The following SETD5 variants were observed in gnomAD, a reference collection of about 807,000 sequenced individuals.
SETD5 encodes histone-lysine N-methyltransferase SETD5.
Under a neutral mutation model 153.3 loss-of-function variants are expected in SETD5, and 44 were observed. That is an observed-to-expected ratio of 0.29 (90% confidence interval 0.23 to 0.37). The LOEUF (loss-of-function observed/expected upper bound fraction) is 0.37, where lower values mean the gene tolerates loss of function less well. SETD5 is among the 10% of genes least tolerant of loss of function. The probability of loss-of-function intolerance (pLI) is 1.00; values close to 1 mark genes in which losing one functional copy is unlikely to be tolerated. For synonymous variants in SETD5, 716 were observed against 645.2 expected, an observed-to-expected ratio of 1.11 and a Z score of -1.66; for missense variants, 1,544 against 1,768.0, an observed-to-expected ratio of 0.87 and a Z score of 2.27.
chr3:9,469,812 G>A (rs926482056), intron 18 of SETD5, among the ~76,000 whole-genome samples: 3 of 152,190 alleles, frequency 2.0e-5, no homozygotes, highest in Non-Finnish European at 4.4e-5. Flanking sequence ...CTTGTGGTAT[G>A]TTGACGTACA....
chr3:9,461,789 G>A (rs1024831129), intron 17 of SETD5, among the ~76,000 whole-genome samples: 1 of 152,086 alleles, frequency 6.6e-6, no homozygotes, highest in African/African-American at 2.4e-5. Flanking sequence ...TAACATAATT[G>A]ACTTTGATAG....
intron 13 of SETD5, among the ~76,000 whole-genome samples, chr3:9,446,179 C>T (rs1384709889): frequency 3.5e-5 from 5 of 144,222 alleles, no homozygotes; most frequent in African/African-American, 1.3e-4. Flanking sequence ...CCCAGCTACT[C>T]GGGAGGCTAA....
At chr3:9,436,174 G>C (rs557903756) in intron 7 of SETD5, among the ~76,000 whole-genome samples, 5 of 152,072 alleles carry the variant, frequency 3.3e-5, no homozygotes, top group Admixed American at 6.5e-5. Flanking sequence ...GCACAATCCC[G>C]TATGTGTTGC....
At chr3:9,444,936 A>G in intron 11 of SETD5, 112 bp from the exon 12 acceptor site, 3 of 1,376,412 alleles carry the variant, frequency 2.2e-6, no homozygotes, top group East Asian at 4.6e-5. Flanking sequence ...TAACTTATTC[A>G]GAGACAATAT....
Position 9,434,660 on chromosome 3 carries a change from G to T in SETD5, c.330-164G>T. ...GAATTGCTGACAACAAGGAATGAGA[G>T]ATTGATGTTAAAGCTATTGAATTTG... On this transcript the variant is annotated intron_variant, in intron 5 of 22. Transcript: ENST00000402198. This position sits in a 1 kb window ranked among gnomAD's most constrained non-coding sequence, Gnocchi z 5.6. 12 of 1,468,252 alleles carry T rather than the reference G, an allele frequency of 8.2e-6. No homozygotes were observed. Among genetic ancestry groups the T allele is most frequent in the Non-Finnish European group, 9.9e-6 (11 of 1,110,170 alleles). 91.0% of individuals were successfully genotyped at this position (1,468,252 alleles called of 1,614,324 possible).
At chr3:9,419,689 G>A (rs971283425) in intron 1 of SETD5, among the ~76,000 whole-genome samples, 1 of 152,220 alleles carries the variant, frequency 6.6e-6, no homozygotes, top group African/African-American at 2.4e-5. Context: ...TACTGTAGGT[G>A]TGTAGTGAAC....
intron 1 of SETD5, among the ~76,000 whole-genome samples, chr3:9,422,834 TC>T (rs1480152262): frequency 2.0e-5 from 3 of 152,188 alleles, no homozygotes; most frequent in Admixed American, 2.0e-4. Context: ...AACAATTGTT[TC>T]TCTGGCAGCA....
intron 13 of SETD5, among the ~76,000 whole-genome samples, 180 bp from the exon 14 acceptor site, chr3:9,446,870 C>T (rs2042082525): frequency 6.6e-6 from 1 of 152,210 alleles, no homozygotes; most frequent in Non-Finnish European, 1.5e-5. Flanking sequence ...TTATTTACAA[C>T]TATTCCCCAC....
At chr3:9,459,932 G>T (rs576738109) in intron 17 of SETD5, among the ~76,000 whole-genome samples, 34 of 152,008 alleles carry the variant, frequency 2.2e-4, no homozygotes, top group African/African-American at 8.2e-4. Context: ...ATTGCCAGTT[G>T]TCATGCATCA....
intron 1 of SETD5, among the ~76,000 whole-genome samples, chr3:9,419,507 G>C (rs531899971): frequency 6.6e-6 from 1 of 152,022 alleles, no homozygotes; most frequent in Non-Finnish European, 1.5e-5. Flanking sequence ...TTGAGGTTGC[G>C]GTGAGCTGTG....
chr3:9,438,950 G>A (rs890436971), intron 7 of SETD5, among the ~76,000 whole-genome samples: 2 of 152,296 alleles, frequency 1.3e-5, no homozygotes. Flanking sequence ...CCCAACTGAG[G>A]TAGAGTCTCT....
rs773019569 is a variant in SETD5 at position 9,470,758 on chromosome 3, T to C, written c.3024T>C (p.Asp1008=). 14 of 1,614,002 alleles carry C rather than the reference T, an allele frequency of 8.7e-6. No homozygotes were observed. In the East Asian group the frequency reaches 2.9e-4, roughly 33 times the overall value. ...ATCGAGGATCTCCTCTAGTGGGGGATAGGAAGCCTTTACATTTGGATGGGG... is the reference window on the plus strand; with the variant it reads ...ATCGAGGATCTCCTCTAGTGGGGGACAGGAAGCCTTTACATTTGGATGGGG... The part of the protein sequence containing the change: ...GLYRGSPLVG[D]RKPLHLDGGY... Residue 1008 remains aspartate (D), a synonymous_variant, in exon 19 of 23, where the codon GAT becomes GAC. Coordinates refer to ENST00000402198, the MANE Select transcript of SETD5 (RefSeq NM_001080517.3).
intron 17 of SETD5, among the ~76,000 whole-genome samples, chr3:9,461,786 A>G (rs2043981668): frequency 1.3e-5 from 2 of 152,182 alleles, no homozygotes; most frequent in Admixed American, 6.5e-5. Context: ...ACTTAACATA[A>G]TTGACTTTGA....
intron 1 of SETD5, among the ~76,000 whole-genome samples, chr3:9,418,648 C>T (rs1166944038): frequency 6.6e-6 from 1 of 151,606 alleles, no homozygotes; most frequent in African/African-American, 2.4e-5. Flanking sequence ...ACTAAAAATA[C>T]AATAATCAGC....
intron 16 of SETD5, among the ~76,000 whole-genome samples, chr3:9,451,603 G>C (rs940831760): frequency 6.6e-6 from 1 of 152,006 alleles, no homozygotes; most frequent in Non-Finnish European, 1.5e-5. Context: ...ACACCACCAC[G>C]CCTGGCTAAT....
At chr3:9,446,860 T>TGGGGAA (rs1469226124) in intron 13 of SETD5, among the ~76,000 whole-genome samples, 190 bp from the exon 14 acceptor site, 1 of 152,230 alleles carries the variant, frequency 6.6e-6, no homozygotes, top group African/African-American at 2.4e-5. Context: ...GACCTTGCCT[T>TGGGGAA]TATTTACAAC....
Position 9,464,490 on chromosome 3 carries a change from C to T in SETD5, c.2542C>T (p.Leu848Phe), listed in dbSNP as rs746670043. ...YLMEQNVTKLLRPLSPVTPPP... is the reference protein window; with the variant it reads ...YLMEQNVTKLFRPLSPVTPPP... ...GATGGAGCAGAATGTCACCAAGTTA[C>T]TTCGGCCTCTGTCTCCAGTCACACC... Residue 848 changes from leucine (L) to phenylalanine (F), a missense_variant, in exon 18 of 23, where the codon CTT becomes TTT. By Grantham distance (22) the Leu-to-Phe change is conservative (BLOSUM62 0). Coordinates refer to ENST00000402198, the MANE Select transcript of SETD5 (RefSeq NM_001080517.3). 3.7e-6 allele frequency: 6 copies of T among 1,614,018 alleles called. No homozygotes were observed. The highest frequency in any genetic ancestry group is 8.5e-7 in the Non-Finnish European group (1 of 1,179,890).
At position 9,471,728 on chromosome 3, in the gene SETD5, G is replaced by A. The variant is rs185419299; in HGVS notation, c.3195+799G>A. On this transcript the variant is annotated intron_variant, in intron 19 of 22. Transcript: ENST00000402198. Reference sequence around the variant, plus strand: ...TTTGTATAAGTGGTTCTCAACTAGGGGTGTTTGAGAATGAGTAGGAGTGTT... The same window carrying A: ...TTTGTATAAGTGGTTCTCAACTAGGAGTGTTTGAGAATGAGTAGGAGTGTT... Among the ~76,000 whole-genome samples the A allele has an allele frequency of 8.9e-3, 1,349 of 152,272 alleles. 62 individuals carry two copies. The highest frequency in any genetic ancestry group is 0.083 in the Admixed American group (1,264 of 15,288).
chr3:9,459,817 C>G (rs1575546775), intron 17 of SETD5, among the ~76,000 whole-genome samples: 1 of 151,768 alleles, frequency 6.6e-6, no homozygotes, highest in Non-Finnish European at 1.5e-5. Context: ...TAATAATCGT[C>G]ATTTGTTAGC....
Sources: gnomAD v4.1 joint callset for allele counts (sites outside exome capture counted in the v4.1 genomes callset) on GRCh38, gnomAD v4.1.1 for gene constraint, Gnocchi (gnomAD v3.1) non-coding constraint, MANE v1.5 for transcripts, NCBI Gene and HGNC (gene_info 2026-07-23, HGNC 2026-07-21) for gene names.